The following CALN1 variants were observed in gnomAD, a reference collection of about 807,000 sequenced individuals.
CALN1 encodes calcium-binding protein 8.
Under a neutral mutation model 30.6 loss-of-function variants are expected in CALN1, and 17 were observed. The observed-to-expected ratio is 0.56, with a 90% CI of 0.38 to 0.83. CALN1 has a LOEUF of 0.83. Ranked by LOEUF, CALN1 falls within the 40% of genes least tolerant of loss-of-function variation. The pLI is 0.00. For synonymous variants in CALN1, 156 were observed against 131.4 expected (o/e 1.19, Z -1.28); for missense variants, 291 against 354.9 (o/e 0.82, Z 1.45).
intron 2 of CALN1, among the ~76,000 whole-genome samples, chr7:72,321,297 G>A (rs1800862437): frequency 6.6e-6 from 1 of 152,136 alleles, no homozygotes; most frequent in African/African-American, 2.4e-5. Context: ...AGGTGACTTG[G>A]GTTGAGAAAG....
chr7:72,261,160 T>A (rs1796246213), intron 3 of CALN1, among the ~76,000 whole-genome samples: 1 of 151,928 alleles, frequency 6.6e-6, no homozygotes, highest in Non-Finnish European at 1.5e-5. Context: ...TTACAAAAAT[T>A]CGCCAGGTGT....
chr7:72,316,330 G>C (rs1013619066), intron 2 of CALN1, among the ~76,000 whole-genome samples: 7 of 151,154 alleles, frequency 4.6e-5, no homozygotes, highest in African/African-American at 1.7e-4. Context: ...AGTAATTACG[G>C]TTTTTGCCAT....
intron 2 of CALN1, among the ~76,000 whole-genome samples, chr7:72,343,767 G>C (rs1258359234): frequency 2.0e-5 from 3 of 152,220 alleles, no homozygotes; most frequent in Non-Finnish European, 2.9e-5. Flanking sequence ...TGCTGAGTTA[G>C]AAAGGATTAC....
chr7:72,468,690 ACAATGGGTTC>A, the CALN1 span, among the ~76,000 whole-genome samples: 870 of 152,326 alleles, frequency 5.7e-3, 9 homozygotes, highest in African/African-American at 0.019. Flanking sequence ...CCTGCAATGT[ACAATGGGTTC>A]CAATTTCTCT....
intron 4 of CALN1, among the ~76,000 whole-genome samples, chr7:72,103,761 A>G (rs897009826): frequency 2.0e-5 from 3 of 149,424 alleles, no homozygotes; most frequent in Non-Finnish European, 1.5e-5. Flanking sequence ...ATGGAAATGG[A>G]GGGGGGGGGA....
chr7:72,466,865 A>AT, the CALN1 span, among the ~76,000 whole-genome samples: 204 of 38,748 alleles, frequency 5.3e-3, 1 homozygote, highest in African/African-American at 0.018. Flanking sequence ...AAAGAGAAAG[A>AT]AAAAGAAAGA....
intron 5 of CALN1, among the ~76,000 whole-genome samples, chr7:71,890,041 GTTAT>G (rs1344365208): frequency 1.1e-4 from 16 of 152,028 alleles, no homozygotes; most frequent in African/African-American, 1.9e-4. Flanking sequence ...TGATTTTGAG[GTTAT>G]TTGAGTTGAA....
At chr7:71,869,512 A>C (rs1476666865) in intron 5 of CALN1, among the ~76,000 whole-genome samples, 1 of 152,132 alleles carries the variant, frequency 6.6e-6, no homozygotes, top group Non-Finnish European at 1.5e-5. Flanking sequence ...GTGCCTGGCC[A>C]AACACTCCTT....
chr7:72,276,375 T>C (rs1442477222), intron 3 of CALN1, among the ~76,000 whole-genome samples: 2 of 152,188 alleles, frequency 1.3e-5, no homozygotes, highest in African/African-American at 2.4e-5. Flanking sequence ...AGCTGAATGT[T>C]TGGGTCCCCC....
chr7:72,429,878 G>C (rs1334819524), intron 1 of CALN1, among the ~76,000 whole-genome samples: 1 of 150,988 alleles, frequency 6.6e-6, no homozygotes, highest in African/African-American at 2.4e-5. Context: ...GAGTGCAATG[G>C]TGTGATCTCG....
chr7:71,821,481 G>T (rs1421775612), intron 5 of CALN1, among the ~76,000 whole-genome samples: 1 of 151,914 alleles, frequency 6.6e-6, no homozygotes, highest in African/African-American at 2.4e-5. Context: ...AGCAAAAGAG[G>T]GAAACCCCTT....
intron 4 of CALN1, among the ~76,000 whole-genome samples, chr7:72,052,663 C>A (rs1317993686): frequency 3.3e-5 from 5 of 152,194 alleles, no homozygotes; most frequent in South Asian, 2.1e-4. Flanking sequence ...TTTGCCCTGA[C>A]TTGGCAGAGA....
the CALN1 span, among the ~76,000 whole-genome samples, chr7:72,463,535 T>C: frequency 6.6e-6 from 1 of 152,192 alleles, no homozygotes; most frequent in Non-Finnish European, 1.5e-5. Context: ...ATTGGAGTTT[T>C]GCAATGTGGA....
In CALN1 at chr7:72,101,467, C is replaced by T. The variant is rs114007080; in HGVS notation, c.388+4684G>A. ...GAAATATCTCTAAAATATAAAGCAACGTCAAATCAGGCCTACAAAGACATG... is the reference window on the plus strand; with the variant it reads ...GAAATATCTCTAAAATATAAAGCAATGTCAAATCAGGCCTACAAAGACATG... On this transcript the variant is annotated intron_variant, in intron 4 of 6. Transcript: ENST00000395275. 5.0e-3 allele frequency among the ~76,000 whole-genome samples: 756 copies of T among 152,102 alleles called. 7 individuals carry two copies. Among genetic ancestry groups the T allele is most frequent in the African/African-American group, 0.018 (730 of 41,484 alleles).
intron 2 of CALN1, among the ~76,000 whole-genome samples, chr7:72,283,057 A>G (rs1585354212): frequency 1.4e-5 from 2 of 147,888 alleles, no homozygotes; most frequent in East Asian, 3.9e-4. Context: ...TCCATCTCAA[A>G]AAAAAAAAAA....
chr7:72,299,750 G>A (rs1335214724), intron 2 of CALN1, among the ~76,000 whole-genome samples: 1 of 147,622 alleles, frequency 6.8e-6, no homozygotes, highest in Non-Finnish European at 1.5e-5. Flanking sequence ...GCCCAGACTG[G>A]TTTCAAACTC....
At chr7:72,235,148 C>T (rs1024851301) in intron 3 of CALN1, among the ~76,000 whole-genome samples, 1 of 151,962 alleles carries the variant, frequency 6.6e-6, no homozygotes, top group Non-Finnish European at 1.5e-5. Flanking sequence ...GTAGCATGCT[C>T]CTGTAGTCCC....
intron 5 of CALN1, among the ~76,000 whole-genome samples, chr7:71,887,669 G>A (rs549761753): frequency 6.6e-6 from 1 of 152,098 alleles, no homozygotes; most frequent in Non-Finnish European, 1.5e-5. Flanking sequence ...TAGAGCGGGG[G>A]TCTCTGCAAA....
chr7:72,404,954 A>AT (rs1806600839), intron 1 of CALN1, among the ~76,000 whole-genome samples: 1 of 152,244 alleles, frequency 6.6e-6, no homozygotes, highest in Non-Finnish European at 1.5e-5. Flanking sequence ...GGACAGACAC[A>AT]TAAACCAACT....
Sources: allele counts gnomAD v4.1 joint callset (sites outside exome capture counted in the v4.1 genomes callset), GRCh38; gene constraint gnomAD v4.1.1; transcripts MANE v1.5; gene names NCBI Gene and HGNC (gene_info 2026-07-23, HGNC 2026-07-21).